PNLDC1: variants seen among roughly 807,000 people sequenced by gnomAD.
The protein encoded by PNLDC1 is PARN like ribonuclease domain containing exonuclease 1.
PNLDC1 carries 70 observed loss-of-function variants against 82.0 expected under a neutral mutation model. The ratio of observed to expected loss-of-function variants is 0.85; its 90% CI spans 0.70 to 1.04. PNLDC1 has a LOEUF of 1.04. Ranked by LOEUF, PNLDC1 falls within the 50% of genes least tolerant of loss-of-function variation. PNLDC1 has a pLI of 0.00. For synonymous variants in PNLDC1, 280 were observed against 249.3 expected (o/e 1.12, Z -1.16); for missense variants, 631 against 661.1 (o/e 0.95, Z 0.50).
At chr6:159,812,002 C>T (rs1432624444) in intron 11 of PNLDC1, among the ~76,000 whole-genome samples, 5 of 152,116 alleles carry the variant, frequency 3.3e-5, no homozygotes, top group Admixed American at 6.5e-5. Flanking sequence ...CTTGTTCAAG[C>T]GATTCTCCTG....
At chr6:159,802,575 A>G (rs1414192776) in intron 3 of PNLDC1, among the ~76,000 whole-genome samples, 1 of 150,082 alleles carries the variant, frequency 6.7e-6, no homozygotes, top group Non-Finnish European at 1.5e-5. Context: ...CCATTGTTGT[A>G]CCCAAATTTG....
rs1172759264 is a variant in PNLDC1, at chr6:159,810,027, C to T, written c.785C>T (p.Pro262Leu). 1 of 1,613,438 alleles carries T rather than the reference C, an allele frequency of 6.2e-7. No homozygotes were observed. Among genetic ancestry groups the T allele is most frequent in the Non-Finnish European group, 8.5e-7 (1 of 1,179,442 alleles). ...CACCTGTTGATTTACTCCAAGTAGC[C>T]CTTAGTGGGACATAATATGATGATG... is the stretch of plus-strand genomic sequence containing the variant. ...FFQMLVKAQK[P>L]LVGHNMMMDL... Residue 262 changes from proline to leucine, a missense_variant and splice_region_variant, in exon 10 of 19, where the codon CCC becomes CTC. Pro to Leu is a moderately conservative substitution (Grantham distance 98). Coordinates refer to ENST00000392167, the MANE Select transcript of PNLDC1 (RefSeq NM_001271862.2).
At position 159,800,536 on chromosome 6, in the gene PNLDC1, G is replaced by A. The variant is rs1013002498; in HGVS notation, c.76+153G>A. The A allele has an allele frequency of 5.3e-6, 7 of 1,321,454 alleles. No homozygotes were observed. In the Admixed American group the frequency reaches 6.9e-5, roughly 13 times the overall value. 81.9% of individuals were successfully genotyped at this position (1,321,454 alleles called of 1,614,324 possible). On this transcript the variant is annotated intron_variant, in intron 1 of 18. Coordinates refer to ENST00000392167, the MANE Select transcript of PNLDC1 (RefSeq NM_001271862.2). ...CTTCCTTCTCCAGCCCCGGGGCGGT[G>A]GGACTTTGAGCAGCAAGTACACTCC...
intron 12 of PNLDC1, among the ~76,000 whole-genome samples, chr6:159,814,543 G>C (rs970148620): frequency 1.3e-5 from 2 of 152,030 alleles, no homozygotes; most frequent in African/African-American, 4.8e-5. Flanking sequence ...CCTTCAACTT[G>C]ACCCTCCTCT....
chr6:159,810,949 C>G (rs1208571762), intron 10 of PNLDC1, among the ~76,000 whole-genome samples: 2 of 152,104 alleles, frequency 1.3e-5, no homozygotes, highest in Non-Finnish European at 2.9e-5. Flanking sequence ...AAAAGCTGTG[C>G]AAGAAAGGAG....
At chr6:159,817,035 C>T (rs1679031848) in intron 14 of PNLDC1, 74 bp from the exon 15 acceptor site, 10 of 1,404,546 alleles carry the variant, frequency 7.1e-6, no homozygotes, top group East Asian at 2.3e-5. Flanking sequence ...GATTGGCTTG[C>T]ACATAATGAG....
At chr6:159,813,128 C>G (rs375167452) in intron 11 of PNLDC1, among the ~76,000 whole-genome samples, 1 of 152,156 alleles carries the variant, frequency 6.6e-6, no homozygotes, top group African/African-American at 2.4e-5. Context: ...GCAAGGATGC[C>G]GCACAGATGG....
chr6:159,800,249 G>A (rs1583161452), upstream of PNLDC1: 1 of 785,284 alleles, frequency 1.3e-6, no homozygotes, highest in East Asian at 6.6e-5. Flanking sequence ...ACGGAAGCGC[G>A]TGGGCAGCAC....
At chr6:159,809,376 C>G (rs1433369084) in intron 9 of PNLDC1, among the ~76,000 whole-genome samples, 2 of 152,156 alleles carry the variant, frequency 1.3e-5, no homozygotes. Context: ...CCTTGACCTC[C>G]CAGGCTTAAG....
At chr6:159,811,419 C>T (rs1482420515) in intron 10 of PNLDC1, among the ~76,000 whole-genome samples, 2 of 151,996 alleles carry the variant, frequency 1.3e-5, no homozygotes, top group Non-Finnish European at 2.9e-5. Context: ...AAGTCTTATC[C>T]CATCGGCTAG....
intron 11 of PNLDC1, among the ~76,000 whole-genome samples, chr6:159,813,165 C>G (rs1474748106): frequency 6.6e-6 from 1 of 152,078 alleles, no homozygotes; most frequent in Non-Finnish European, 1.5e-5. Context: ...CTGTCTTTGC[C>G]CAGAGGCTGT....
Position 159,803,958 on chromosome 6 carries a change from A to T in PNLDC1, c.249-7A>T, listed in dbSNP as rs773227540. On this transcript the variant is annotated splice_region_variant and splice_polypyrimidine_tract_variant and intron_variant, in intron 4 of 18. Coordinates refer to ENST00000392167, the MANE Select transcript of PNLDC1 (RefSeq NM_001271862.2). ...GGCTTTTTCTCTGTATGTTTGTTTT[A>T]TTATAGGTATATAGCCCATTCTTGT... 1 of 1,608,652 alleles carries T rather than the reference A, an allele frequency of 6.2e-7. No individual in the cohort carries two copies.
intron 3 of PNLDC1, among the ~76,000 whole-genome samples, chr6:159,801,733 A>G (rs1781264808): frequency 6.6e-6 from 1 of 151,922 alleles, no homozygotes; most frequent in Non-Finnish European, 1.5e-5. Flanking sequence ...AGCGTGAGCA[A>G]CCACACCTGG....
intron 15 of PNLDC1, among the ~76,000 whole-genome samples, chr6:159,817,595 T>C (rs1250464477): frequency 3.3e-5 from 5 of 152,232 alleles, no homozygotes; most frequent in African/African-American, 1.2e-4. Context: ...GAGAGATTAG[T>C]GGAACCCCAC....
rs1418081908 is a variant in PNLDC1, at chr6:159,818,947, A to T, written c.1259A>T (p.Asn420Ile). 2 of 1,612,710 alleles carry T rather than the reference A, an allele frequency of 1.2e-6. No individual in the cohort carries two copies. The highest frequency in any genetic ancestry group is 2.2e-5 in the South Asian group (2 of 90,964). The change falls in exon 17 of 19, where the codon AAT becomes ATT. Residue 420 changes from asparagine (N) to isoleucine (I), a missense_variant and splice_region_variant. Transcript: ENST00000392167. ...NLIRAGVPKI[N>I]FSGPDYPSIR... is the part of the protein sequence containing the mutation. The stretch of plus-strand genomic sequence containing the variant: ...TCTTGTGTTCTGCATGTTTTCTAGA[A>T]TTTTTCTGGTCCAGATTATCCCAGT...
intron 16 of PNLDC1, 50 bp from the exon 17 acceptor site, chr6:159,818,896 G>A: frequency 6.3e-7 from 1 of 1,581,850 alleles, no homozygotes; most frequent in Non-Finnish European, 8.6e-7. Context: ...GACTGGATAA[G>A]AAGTCAGGAA....
chr6:159,802,115 C>A (rs1231676655), intron 3 of PNLDC1, among the ~76,000 whole-genome samples: 1 of 152,154 alleles, frequency 6.6e-6, no homozygotes, highest in Non-Finnish European at 1.5e-5. Flanking sequence ...CAAGACAGAG[C>A]TGTTAACGGT....
At chr6:159,801,539 T>C (rs1781255749) in intron 3 of PNLDC1, among the ~76,000 whole-genome samples, 2 of 152,100 alleles carry the variant, frequency 1.3e-5, no homozygotes, top group South Asian at 2.1e-4. Flanking sequence ...CTAGACTTCC[T>C]GGGCTCAAGT....
chr6:159,805,464 T>G (rs1781413690), intron 6 of PNLDC1, among the ~76,000 whole-genome samples: 1 of 152,242 alleles, frequency 6.6e-6, no homozygotes, highest in South Asian at 2.1e-4. Flanking sequence ...TCCTGCTGGT[T>G]TTCATATAAA....
Sources: allele counts gnomAD v4.1 joint callset (sites outside exome capture counted in the v4.1 genomes callset), GRCh38; gene constraint gnomAD v4.1.1; transcripts MANE v1.5; gene names NCBI Gene and HGNC (gene_info 2026-07-23, HGNC 2026-07-21).